TEX261: variants seen among roughly 807,000 people sequenced by gnomAD.
TEX261 encodes testis expressed 261.
A neutral mutation model predicts 25.1 loss-of-function variants in TEX261; 13 were observed. The ratio of observed to expected loss-of-function variants is 0.52; its 90% CI spans 0.34 to 0.82. The LOEUF (loss-of-function observed/expected upper bound fraction) is 0.82, where lower values mean the gene tolerates loss of function less well. TEX261 is among the 40% of genes least tolerant of loss of function. The pLI, the probability that TEX261 is intolerant of heterozygous loss-of-function variation, is 0.02. For synonymous variants in TEX261, 92 were observed against 97.8 expected (o/e 0.94, Z 0.35); for missense variants, 206 against 243.2 (o/e 0.85, Z 1.02).
intron 3 of TEX261, among the ~76,000 whole-genome samples, chr2:70,991,164 A>G (rs1553425595): frequency 6.6e-6 from 1 of 152,238 alleles, no homozygotes; most frequent in African/African-American, 2.4e-5. Flanking sequence ...TGCACCTACT[A>G]TATGCCCACT....
intron 3 of TEX261, among the ~76,000 whole-genome samples, chr2:70,991,510 G>GT (rs1670298275): frequency 6.6e-6 from 1 of 152,180 alleles, no homozygotes; most frequent in Admixed American, 6.5e-5. Context: ...TGGCCAAGTG[G>GT]TTTTTTTGAG....
At chr2:70,990,893 T>A (rs2104872304) in intron 3 of TEX261, among the ~76,000 whole-genome samples, 1 of 152,270 alleles carries the variant, frequency 6.6e-6, no homozygotes, top group South Asian at 2.1e-4. Context: ...CTAACAAACC[T>A]CTGCTGAACA....
At position 70,991,895 on chromosome 2, in the gene TEX261, T is replaced by C; in HGVS notation, c.239A>G (p.Tyr80Cys). ...IGVGLFTNLV[Y>C]FGLLQTFPFI... ...GGGGAAGGTCTGGAGGAGGCCAAAG[T>C]AGACGAGGTTGGTGAATAGGCCCAC... The change falls in exon 3 of 6, where the codon TAC (tyrosine) becomes TGC (cysteine). Residue 80 changes from tyrosine (Y) to cysteine (C), a missense_variant. Coordinates refer to ENST00000272438, the MANE Select transcript of TEX261 (RefSeq NM_144582.3). 3.1e-6 allele frequency: 5 copies of C among 1,613,856 alleles called. No individual in the cohort carries two copies. Among genetic ancestry groups the C allele is most frequent in the Non-Finnish European group, 4.2e-6 (5 of 1,179,950 alleles).
chr2:70,988,552 G>A lies in TEX261; in HGVS notation c.*48C>T. ...GTCCCCACCTGGCATAGAGGCCCAG[G>A]GGCCTGACTCTCCTGATCTTGCCCC... On this transcript the variant is annotated 3_prime_UTR_variant, in exon 6 of 6. Coordinates refer to ENST00000272438, the MANE Select transcript of TEX261 (RefSeq NM_144582.3). 1.4e-6 allele frequency: 2 copies of A among 1,476,858 alleles called. No homozygotes were observed. Among genetic ancestry groups the A allele is most frequent in the Middle Eastern group, 1.7e-4 (1 of 5,718 alleles). 91.5% of individuals were successfully genotyped at this position (1,476,858 alleles called of 1,614,324 possible). A position where few individuals can be genotyped will look rare whatever the true frequency, so the allele number is the denominator to read the frequency against.
At chr2:70,991,446 T>G (rs1670296819) in intron 3 of TEX261, among the ~76,000 whole-genome samples, 1 of 152,218 alleles carries the variant, frequency 6.6e-6, no homozygotes, top group Non-Finnish European at 1.5e-5. Context: ...TGACTTTGGG[T>G]CAGAGGACTG....
chr2:70,988,844 T>G (rs1008855857), intron 5 of TEX261, 71 bp downstream of exon 5: 2 of 1,569,492 alleles, frequency 1.3e-6, no homozygotes, highest in African/African-American at 2.7e-5. Context: ...TCAGGTTCCC[T>G]CAGTGGACCC....
At position 70,993,794 on chromosome 2, in the gene TEX261, G is replaced by T. The variant is rs2104875353; in HGVS notation, c.71-19C>A. ...CCAGCCGCTGCAGGGTGGGAGGCAG[G>T]GAGACTATCAGCCAGGGTCACTCCC... On this transcript the variant is annotated intron_variant, in intron 1 of 5. Coordinates refer to ENST00000272438, the MANE Select transcript of TEX261 (RefSeq NM_144582.3). 1 of 1,604,516 alleles carries T rather than the reference G, an allele frequency of 6.2e-7. No individual in the cohort carries two copies. Among genetic ancestry groups the T allele is most frequent in the East Asian group, 2.2e-5 (1 of 44,830 alleles).
At chr2:70,990,268 G>A (rs781950251) in intron 3 of TEX261, among the ~76,000 whole-genome samples, 1 of 151,648 alleles carries the variant, frequency 6.6e-6, no homozygotes, top group African/African-American at 2.4e-5. Context: ...CAAGGAGAAG[G>A]CCTGCTCAAA....
At position 70,986,977 on chromosome 2, in the gene TEX261, T is replaced by C. The variant is rs964996311; in HGVS notation, c.*1623A>G. The C allele has an allele frequency of 1.1e-4, 17 of 151,912 alleles. No homozygotes were observed. Among genetic ancestry groups the C allele is most frequent in the African/African-American group, 3.9e-4 (16 of 41,364 alleles). The allele number at this position is 151,912 out of a possible 1,614,324, so 9.4% of individuals were successfully genotyped here. A position where few individuals can be genotyped will look rare whatever the true frequency, so the allele number is the denominator to read the frequency against. ...GAAGTGCCATCCAAGAAGCAAGGGG[T>C]GATCAGCCATGTCAAATGCTGCCCA... On this transcript the variant is annotated 3_prime_UTR_variant, in exon 6 of 6. Transcript: ENST00000272438.
At chr2:70,989,664 T>C (rs185172435) in intron 4 of TEX261, 85 bp downstream of exon 4, 3 of 939,222 alleles carry the variant, frequency 3.2e-6, no homozygotes, top group African/African-American at 3.3e-5. Context: ...TTTCAAATCA[T>C]AGCTAAGTTT....
At position 70,988,606 on chromosome 2, in the gene TEX261, T is replaced by C. The variant is rs369243988; in HGVS notation, c.585A>G (p.Ile195Met). ...CATCCTGCCTGCATGGGGGTCAGTA[T>C]ATCTTCTGACGACTGGGTAGAATGG... ...KEAILPSRQKIY is the reference protein window; with the variant it reads ...KEAILPSRQKMY The change falls in exon 6 of 6, where the codon ATA (isoleucine) becomes ATG (methionine). Residue 195 changes from isoleucine (I) to methionine (M), a missense_variant. Coordinates refer to ENST00000272438, the MANE Select transcript of TEX261 (RefSeq NM_144582.3). The C allele has an allele frequency of 3.7e-6, 6 of 1,611,246 alleles. No homozygotes were observed. The African/African-American group carries it at 6.7e-5, about 18-fold the overall frequency.
In TEX261 at chr2:70,989,799, G is replaced by T; in HGVS notation, c.322C>A (p.His108Asn). The change falls in exon 4 of 6, where the codon CAT (histidine) becomes AAT (asparagine). Residue 108 changes from histidine (H) to asparagine (N), a missense_variant. Physicochemically the swap from His to Asn is moderately conservative, Grantham distance 68. Coordinates refer to ENST00000272438, the MANE Select transcript of TEX261 (RefSeq NM_144582.3). ...ILSCGLVVVN[H>N]YLAFQFFAEE... ...GCAAAAAACTGAAATGCTAGGTAAT[G>T]ATTCACCACCACTAGTCCTGTTGAG... 3 of 1,612,358 alleles carry T rather than the reference G, an allele frequency of 1.9e-6. No individual in the cohort carries two copies. The highest frequency in any genetic ancestry group is 2.2e-5 in the South Asian group (2 of 91,040).
At position 70,988,356 on chromosome 2, in the gene TEX261, C is replaced by T. The variant is rs755525134; in HGVS notation, c.*244G>A. On this transcript the variant is annotated 3_prime_UTR_variant, in exon 6 of 6. Coordinates refer to ENST00000272438, the MANE Select transcript of TEX261 (RefSeq NM_144582.3). ...GGGACAGGGGAGGACTGAGGGACCT[C>T]GGCCTCCTGGCTAAGCAGGCTCTGC... The T allele has an allele frequency of 2.0e-6, 1 of 496,202 alleles. No individual in the cohort carries two copies. The highest frequency in any genetic ancestry group is 2.2e-5 in the South Asian group (1 of 46,324). 30.7% of individuals were successfully genotyped at this position (496,202 alleles called of 1,614,324 possible).
At chr2:70,988,758 G>C in intron 5 of TEX261, 43 bp from the exon 6 acceptor site, 1 of 1,546,388 alleles carries the variant, frequency 6.5e-7, no homozygotes, top group Non-Finnish European at 8.9e-7. Flanking sequence ...GAGAGAGTGT[G>C]TGTGTGTGTG....
At chr2:70,992,036 T>G in intron 2 of TEX261, 53 bp from the exon 3 acceptor site, 1 of 1,510,914 alleles carries the variant, frequency 6.6e-7, no homozygotes, top group Non-Finnish European at 8.9e-7. Context: ...GCAACGTTCC[T>G]GGACTCACCA....
At chr2:70,990,106 A>C (rs1480275149) in intron 3 of TEX261, among the ~76,000 whole-genome samples, 1 of 152,176 alleles carries the variant, frequency 6.6e-6, no homozygotes, top group Non-Finnish European at 1.5e-5. Flanking sequence ...ATGACGATGA[A>C]CCTCGTTTTT....
chr2:70,988,887 C>T (rs782738634), intron 5 of TEX261, 28 bp downstream of exon 5: 1 of 1,610,260 alleles, frequency 6.2e-7, no homozygotes, highest in South Asian at 1.1e-5. Context: ...CTTGCCCCCA[C>T]CTGGGCCCCT....
At chr2:70,994,304 G>A (rs1342258425) in intron 1 of TEX261, among the ~76,000 whole-genome samples, 1 of 152,280 alleles carries the variant, frequency 6.6e-6, no homozygotes, top group African/African-American at 2.4e-5. Context: ...GAGGAGAAGT[G>A]TCAAAGGTGG....
At chr2:70,988,805 G>T in intron 5 of TEX261, 90 bp from the exon 6 acceptor site, 1 of 1,474,704 alleles carries the variant, frequency 6.8e-7, no homozygotes, top group Middle Eastern at 1.8e-4. Context: ...CCAACCCCGA[G>T]TCCAGGTGTC....
Sources: allele counts gnomAD v4.1 joint callset (sites outside exome capture counted in the v4.1 genomes callset), GRCh38; gene constraint gnomAD v4.1.1; transcripts MANE v1.5; gene names NCBI Gene and HGNC (gene_info 2026-07-23, HGNC 2026-07-21).